The following PCGF2 variants were observed in gnomAD, a reference collection of about 807,000 sequenced individuals.
PCGF2 encodes the protein polycomb group ring finger 2, also known as polycomb group RING finger protein 2.
PCGF2 carries 8 observed loss-of-function variants against 36.1 expected under a neutral mutation model. That is an observed-to-expected ratio of 0.22 (90% CI 0.13 to 0.40). PCGF2 has a LOEUF of 0.40. PCGF2 is among the 10% of genes least tolerant of loss of function. The probability of loss-of-function intolerance (pLI) is 1.00; values close to 1 mark genes in which losing one functional copy is unlikely to be tolerated. For missense variants in PCGF2, 436 were observed against 475.9 expected (o/e 0.92, Z 0.78); for synonymous variants, 198 against 191.2 (o/e 1.04, Z -0.29).
rs781005803 is a variant in PCGF2, at chr17:38,740,421, G to C, written c.-19C>G. Reference sequence around the variant, plus strand: ...GATGCATGATTCCGGGGTCGGGGGTGGGGGGACTGGGGAGCGTTGCCCTGG... The same window carrying C: ...GATGCATGATTCCGGGGTCGGGGGTCGGGGGACTGGGGAGCGTTGCCCTGG... On this transcript the variant is annotated 5_prime_UTR_variant, in exon 3 of 11. Transcript: ENST00000620225. 12 of 982,126 alleles carry C rather than the reference G, an allele frequency of 1.2e-5. No individual in the cohort carries two copies. The highest frequency in any genetic ancestry group is 2.3e-4 in the Middle Eastern group (1 of 4,428). The allele number at this position is 982,126 out of a possible 1,614,324, so 60.8% of individuals were successfully genotyped here. A position where few individuals can be genotyped will look rare whatever the true frequency, so the allele number is the denominator to read the frequency against.
chr17:38,749,225 C>G (rs1400534202), upstream of PCGF2: 1 of 180,236 alleles, frequency 5.5e-6, no homozygotes, highest in Non-Finnish European at 1.2e-5. This position sits in a 1 kb window ranked among gnomAD's most constrained non-coding sequence, Gnocchi z 6.5. Context: ...TTTTCTCCTG[C>G]CTGGCGCTGA....
chr17:38,745,781 G>C (rs953858816), intron 2 of PCGF2, among the ~76,000 whole-genome samples: 1 of 152,154 alleles, frequency 6.6e-6, no homozygotes, highest in Non-Finnish European at 1.5e-5. Flanking sequence ...GTGGGCCGCC[G>C]TCTGGGAGGG....
At chr17:38,736,923 G>A (rs1053306294) in intron 9 of PCGF2, among the ~76,000 whole-genome samples, 2 of 151,476 alleles carry the variant, frequency 1.3e-5, no homozygotes, top group East Asian at 1.9e-4. Flanking sequence ...TTGGGAGGCC[G>A]AGAATTCAAG....
chr17:38,747,255 G>A (rs1459806549), intron 2 of PCGF2, among the ~76,000 whole-genome samples: 1 of 152,148 alleles, frequency 6.6e-6, no homozygotes, highest in Non-Finnish European at 1.5e-5. Flanking sequence ...GTGTCTGCTT[G>A]CCCGGGGGTC....
At position 38,735,297 on chromosome 17, in the gene PCGF2, G is replaced by A. The variant is rs1598011506; in HGVS notation, c.961C>T (p.Leu321=). 2 of 1,509,624 alleles carry A rather than the reference G, an allele frequency of 1.3e-6. No individual in the cohort carries two copies. The highest frequency in any genetic ancestry group is 1.7e-4 in the Middle Eastern group (1 of 5,728). The allele number at this position is 1,509,624 out of a possible 1,614,324, so 93.5% of individuals were successfully genotyped here. A position where few individuals can be genotyped will look rare whatever the true frequency, so the allele number is the denominator to read the frequency against. The change falls in exon 11 of 11, where the codon CTG becomes TTG. Residue 321 remains leucine, a synonymous_variant. Coordinates refer to ENST00000620225, the MANE Select transcript of PCGF2 (RefSeq NM_007144.3). ...TAANGGSLNC[L]QTPSSTSRGR... ...CTGCTGGTGGAGGATGGTGTCTGCAGGCAGTTCAAGCTACCCCCGTTGGCA... is the reference window on the plus strand; with the variant it reads ...CTGCTGGTGGAGGATGGTGTCTGCAAGCAGTTCAAGCTACCCCCGTTGGCA...
rs1304591856 is a variant in PCGF2, at chr17:38,739,023, C to A, written c.316+45G>T. ...GGGTAGCGCTACACACCTACATGGT[C>A]CCAGGCAAGACTGTGCACACACAAA... On this transcript the variant is annotated intron_variant, in intron 6 of 10. Coordinates refer to ENST00000620225, the MANE Select transcript of PCGF2 (RefSeq NM_007144.3). This position sits in a 1 kb window ranked among gnomAD's most constrained non-coding sequence, Gnocchi z 4.0. 6.2e-7 allele frequency: 1 copy of A among 1,608,194 alleles called. No homozygotes were observed.
chr17:38,743,426 G>A (rs1907331673), intron 2 of PCGF2, among the ~76,000 whole-genome samples: 1 of 151,682 alleles, frequency 6.6e-6, no homozygotes, highest in Admixed American at 6.6e-5. Context: ...ACAGCCGAGA[G>A]CCCCACACTG....
rs1906550067 is a variant in PCGF2 at position 38,734,840 on chromosome 17, A to C, written c.*383T>G. On this transcript the variant is annotated 3_prime_UTR_variant, in exon 11 of 11. Coordinates refer to ENST00000620225, the MANE Select transcript of PCGF2 (RefSeq NM_007144.3). ...TTGGGTCTGAAGGGGCCCCCAACACACCACCTGCCTTGGGAAACAGCGAGG... is the reference window on the plus strand; with the variant it reads ...TTGGGTCTGAAGGGGCCCCCAACACCCCACCTGCCTTGGGAAACAGCGAGG... 1 of 163,424 alleles carries C rather than the reference A, an allele frequency of 6.1e-6. No homozygotes were observed. Among genetic ancestry groups the C allele is most frequent in the South Asian group, 2.0e-4 (1 of 4,928 alleles). The allele number at this position is 163,424 out of a possible 1,614,324, so 10.1% of individuals were successfully genotyped here. A position where few individuals can be genotyped will look rare whatever the true frequency, so the allele number is the denominator to read the frequency against.
In PCGF2 at chr17:38,739,565, G is replaced by A. The variant is rs1421184075; in HGVS notation, c.209+21C>T. 4.6e-5 allele frequency: 72 copies of A among 1,569,820 alleles called. No individual in the cohort carries two copies. The highest frequency in any genetic ancestry group is 6.2e-5 in the Non-Finnish European group (71 of 1,139,754). ...CTGACCCAGAGGATCGCGGGGACAG[G>A]AGGTGCCGTGCCAAGCCCACCTGAT... On this transcript the variant is annotated intron_variant, in intron 4 of 10. Coordinates refer to ENST00000620225, the MANE Select transcript of PCGF2 (RefSeq NM_007144.3). The surrounding 1 kb of genome is among the most constrained non-coding windows in gnomAD (Gnocchi z 4.0).
At position 38,740,358 on chromosome 17, in the gene PCGF2, G is replaced by T; in HGVS notation, c.45C>A (p.His15Gln). 1 of 1,610,292 alleles carries T rather than the reference G, an allele frequency of 6.2e-7. No homozygotes were observed. Among genetic ancestry groups the T allele is most frequent in the African/African-American group, 1.3e-5 (1 of 74,676 alleles). Residue 15 changes from histidine (H) to glutamine (Q), a missense_variant, in exon 3 of 11, where the codon CAC becomes CAA. Around this residue, in one of 3 missense-constraint regions of PCGF2, gnomAD observed 189 missense variants for 219.3 expected, o/e 0.86. Coordinates refer to ENST00000620225, the MANE Select transcript of PCGF2 (RefSeq NM_007144.3). ...ACCCCCCGCAGAGGGCACACATGAG[G>T]TGGGGGTTCAGCTCTGTGATTTTGA... The part of the protein sequence containing the change: ...TRIKITELNP[H>Q]LMCALCGGYF...
chr17:38,737,077 G>A (rs1906819149), intron 9 of PCGF2, among the ~76,000 whole-genome samples: 2 of 152,050 alleles, frequency 1.3e-5, no homozygotes, highest in Non-Finnish European at 2.9e-5. Flanking sequence ...AGAGGTTGCG[G>A]TGAGCCAAGA....
chr17:38,743,414 C>T (rs977320694), intron 2 of PCGF2, among the ~76,000 whole-genome samples: 2 of 151,924 alleles, frequency 1.3e-5, no homozygotes, highest in South Asian at 2.1e-4. Flanking sequence ...AAGAAGAACC[C>T]CACAGCCGAG....
chr17:38,738,649 C>T (rs1906954129), intron 7 of PCGF2, 54 bp from the exon 8 acceptor site: 4 of 1,555,840 alleles, frequency 2.6e-6, no homozygotes, highest in Non-Finnish European at 3.5e-6. Context: ...CCAGGAGACC[C>T]AGGAGGATGA....
intron 2 of PCGF2, among the ~76,000 whole-genome samples, chr17:38,741,634 T>G (rs1383401460): frequency 6.6e-6 from 1 of 152,140 alleles, no homozygotes; most frequent in African/African-American, 2.4e-5. Context: ...AGCACCTCCC[T>G]CCTCTAAAGT....
rs746734324 is a variant in PCGF2 at position 38,738,429 on chromosome 17, C to T, written c.500G>A (p.Arg167Gln). 4.3e-6 allele frequency: 7 copies of T among 1,614,168 alleles called. No homozygotes were observed. The East Asian group carries it at 6.7e-5, about 15-fold the overall frequency. ...DKEKTGVRFL[R>Q]CPAAMTVMHL... ...CATGACGGTCATGGCTGCTGGGCAT[C>T]GCAGGAAGCGCACCCCTGTCTGCTG... Residue 167 changes from arginine (R) to glutamine (Q), a missense_variant, in exon 9 of 11, where the codon CGA becomes CAA. Arg to Gln is a conservative substitution (Grantham distance 43). Around this residue, in one of 3 missense-constraint regions of PCGF2, gnomAD observed 20 missense variants for 43.7 expected, o/e 0.46. Transcript: ENST00000620225.
Position 38,735,537 on chromosome 17 carries a change from C to G in PCGF2, c.721G>C (p.Val241Leu). The change falls in exon 11 of 11, where the codon GTG (valine) becomes CTG (leucine). Residue 241 changes from valine (V) to leucine (L), a missense_variant. Around this residue, in one of 3 missense-constraint regions of PCGF2, gnomAD observed 227 missense variants for 212.9 expected, o/e 1.07. Coordinates refer to ENST00000620225, the MANE Select transcript of PCGF2 (RefSeq NM_007144.3). ...TTGGTGCCCTCGGAGGGGGTGGGCA[C>G]CGTGGCTAGGGTGAGCCGCTTGCAG... ...PACKRLTLAT[V>L]PTPSEGTNTS... 1 of 1,588,908 alleles carries G rather than the reference C, an allele frequency of 6.3e-7. No homozygotes were observed.
In PCGF2 at chr17:38,735,292, C is replaced by G; in HGVS notation, c.966G>C (p.Gln322His). 1 of 1,505,464 alleles carries G rather than the reference C, an allele frequency of 6.6e-7. No individual in the cohort carries two copies. Among genetic ancestry groups the G allele is most frequent in the South Asian group, 1.3e-5 (1 of 75,680 alleles). 93.3% of individuals were successfully genotyped at this position (1,505,464 alleles called of 1,614,324 possible). A position where few individuals can be genotyped will look rare whatever the true frequency, so the allele number is the denominator to read the frequency against. ...AANGGSLNCL[Q>H]TPSSTSRGRK... ...GCCCCCTGCTGGTGGAGGATGGTGT[C>G]TGCAGGCAGTTCAAGCTACCCCCGT... is the stretch of plus-strand genomic sequence containing the variant. The change falls in exon 11 of 11, where the codon CAG becomes CAC. Residue 322 changes from glutamine to histidine, a missense_variant. Physicochemically the swap from Gln to His is conservative, Grantham distance 24 (BLOSUM62 0). Transcript: ENST00000620225.
chr17:38,739,103 C>T lies in PCGF2; in HGVS notation c.281G>A (p.Arg94Gln), dbSNP rs780536842. The change falls in exon 6 of 11, where the codon CGG (arginine) becomes CAG (glutamine). Residue 94 changes from arginine (R) to glutamine (Q), a missense_variant. By Grantham distance (43) the Arg-to-Gln change is conservative. Around this residue, in one of 3 missense-constraint regions of PCGF2, gnomAD observed 189 missense variants for 219.3 expected, o/e 0.86. Coordinates refer to ENST00000620225, the MANE Select transcript of PCGF2 (RefSeq NM_007144.3). The surrounding 1 kb of genome is among the most constrained non-coding windows in gnomAD (Gnocchi z 4.0). The stretch of plus-strand genomic sequence containing the variant: ...GGGGTACGCTGCATAGAAATCCCGC[C>T]GCCGTTTCATCTCATCTGGAAGAAG... ...PGLFKDEMKR[R>Q]RDFYAAYPLT... 1.5e-5 allele frequency: 24 copies of T among 1,613,738 alleles called. No individual in the cohort carries two copies. Among genetic ancestry groups the T allele is most frequent in the African/African-American group, 6.7e-5 (5 of 74,878 alleles).
At position 38,736,116 on chromosome 17, in the gene PCGF2, T is replaced by C. The variant is rs1238145871; in HGVS notation, c.631A>G (p.Ile211Val). Residue 211 changes from isoleucine to valine, a missense_variant, in exon 10 of 11, where the codon ATC becomes GTC. By Grantham distance (29) the Ile-to-Val change is conservative (BLOSUM62 3). Transcript: ENST00000620225. ...CGCCGCCAGGGGTAGATGTAGGCGA[T>C]GTCCATGAGGGTGTAGTATTCCTTC... is the stretch of plus-strand genomic sequence containing the variant. ...PLKEYYTLMDIAYIYPWRRNG... is the reference protein window; with the variant it reads ...PLKEYYTLMDVAYIYPWRRNG... 2.5e-6 allele frequency: 4 copies of C among 1,585,530 alleles called. No individual in the cohort carries two copies. The highest frequency in any genetic ancestry group is 2.7e-5 in the African/African-American group (2 of 74,550).
Sources: gnomAD v4.1 joint callset for allele counts (sites outside exome capture counted in the v4.1 genomes callset) on GRCh38, gnomAD v4.1.1 for gene constraint, gnomAD v4.1.1 regional missense constraint, Gnocchi (gnomAD v3.1) non-coding constraint, MANE v1.5 for transcripts, NCBI Gene and HGNC (gene_info 2026-07-23, HGNC 2026-07-21) for gene names.